Variants in RANBP1 observed in about 807,000 individuals in gnomAD.
RANBP1 encodes RAN binding protein 1.
A neutral mutation model predicts 31.4 loss-of-function variants in RANBP1; 16 were observed. The ratio of observed to expected loss-of-function variants is 0.51; its 90% confidence interval spans 0.34 to 0.77. The LOEUF (loss-of-function observed/expected upper bound fraction) is 0.77. RANBP1 is among the 30% of genes least tolerant of loss of function. The probability of loss-of-function intolerance (pLI) is 0.01; values close to 1 mark genes in which losing one functional copy is unlikely to be tolerated. For missense variants in RANBP1, 265 were observed against 362.0 expected (o/e 0.73, Z 2.17); for synonymous variants, 129 against 140.5 (o/e 0.92, Z 0.58).
At chr22:20,125,038 G>T in intron 3 of RANBP1, 2 of 435,998 alleles carry the variant, frequency 4.6e-6, no homozygotes, top group Non-Finnish European at 8.4e-6. Flanking sequence ...GGAGCTCCTC[G>T]TGGAGATGGC....
At chr22:20,118,758 C>T (rs527550697) in intron 1 of RANBP1, among the ~76,000 whole-genome samples, 2 of 152,216 alleles carry the variant, frequency 1.3e-5, no homozygotes, top group African/African-American at 4.8e-5. Context: ...GTGCACAGAT[C>T]TGATTGATGT....
At position 20,127,010 on chromosome 22, in the gene RANBP1, G is replaced by A. The variant is rs1304210143; in HGVS notation, c.795G>A (p.Ser265=). The A allele has an allele frequency of 1.2e-6, 2 of 1,613,730 alleles. No individual in the cohort carries two copies. The highest frequency in any genetic ancestry group is 2.2e-5 in the East Asian group (1 of 44,868). The change falls in exon 6 of 6, where the codon TCG becomes TCA. Residue 265 remains serine (S), a synonymous_variant. Coordinates refer to ENST00000430524, the MANE Select transcript of RANBP1 (RefSeq NM_001278639.2). ...EKVAEKLEAL[S]VKEETKEDAE... ...TGGCGGAAAAGCTAGAAGCTCTCTCGGTGAAGGAGGAGACCAAGGAGGATG... is the reference window on the plus strand; with the variant it reads ...TGGCGGAAAAGCTAGAAGCTCTCTCAGTGAAGGAGGAGACCAAGGAGGATG...
chr22:20,116,273 T>A lies in RANBP1; in HGVS notation c.89T>A (p.Leu30His). ...TGCAAAACGCGCAGGGCCTTGTCCC[T>A]CTCTGCAGCGCTGCGGAATGTCACA... ...APCKTRRALS[L>H]SAALRNVTKA... Residue 30 changes from leucine to histidine, a missense_variant, in exon 1 of 6, where the codon CTC (leucine) becomes CAC (histidine). Physicochemically the swap from Leu to His is moderately conservative, Grantham distance 99. Coordinates refer to ENST00000430524, the MANE Select transcript of RANBP1 (RefSeq NM_001278639.2). The A allele has an allele frequency of 6.2e-7, 1 of 1,612,962 alleles. No homozygotes were observed. The highest frequency in any genetic ancestry group is 8.5e-7 in the Non-Finnish European group (1 of 1,180,010).
chr22:20,127,074 T>C lies in RANBP1; in HGVS notation c.*22T>C. The stretch of plus-strand genomic sequence containing the variant: ...ATAAATCGTCTTATTTTATTTTCTT[T>C]TCCTCTCTTTCCTTTCCTTTTTTTA... On this transcript the variant is annotated 3_prime_UTR_variant, in exon 6 of 6. Transcript: ENST00000430524. The C allele has an allele frequency of 3.2e-6, 5 of 1,569,416 alleles. No individual in the cohort carries two copies. The highest frequency in any genetic ancestry group is 2.2e-4 in the Middle Eastern group (1 of 4,526).
chr22:20,117,941 G>A, intron 1 of RANBP1: 1 of 1,009,678 alleles, frequency 9.9e-7, no homozygotes, highest in Non-Finnish European at 1.2e-6. Flanking sequence ...GTCGCCACGC[G>A]GGACGGCCCC....
Position 20,116,250 on chromosome 22 carries a change from C to T in RANBP1, c.66C>T (p.Cys22=). The T allele has an allele frequency of 6.2e-7, 1 of 1,612,934 alleles. No homozygotes were observed. Among genetic ancestry groups the T allele is most frequent in the Non-Finnish European group, 8.5e-7 (1 of 1,180,018 alleles). ...LSGRPFQRAP[C]KTRRALSLSA... ...GGCGGCCTTTCCAGAGGGCACCATG[C>T]AAAACGCGCAGGGCCTTGTCCCTCT... The change falls in exon 1 of 6, where the codon TGC becomes TGT. Residue 22 remains cysteine (C), a synonymous_variant. Transcript: ENST00000430524.
intron 2 of RANBP1, among the ~76,000 whole-genome samples, chr22:20,121,936 A>C (rs1475748422): frequency 2.0e-5 from 3 of 151,796 alleles, no homozygotes; most frequent in Non-Finnish European, 4.4e-5. Context: ...ATGGGGTTTC[A>C]CCATGTTGGC....
chr22:20,118,391 T>C, intron 1 of RANBP1: 1 of 973,940 alleles, frequency 1.0e-6, no homozygotes, highest in Non-Finnish European at 1.2e-6. Context: ...CAGGATTTCA[T>C]GACTTTCACC....
In RANBP1 at chr22:20,119,000, T is replaced by C; in HGVS notation, c.247-13T>C. 6.2e-7 allele frequency: 1 copy of C among 1,610,498 alleles called. No individual in the cohort carries two copies. Among genetic ancestry groups the C allele is most frequent in the African/African-American group, 1.3e-5 (1 of 74,918 alleles). Reference sequence around the variant, plus strand: ...CCATAGGCCAGCAGTGTAACCTCTTTGTATCTCCACAGGACACTCATGAGG... The same window carrying C: ...CCATAGGCCAGCAGTGTAACCTCTTCGTATCTCCACAGGACACTCATGAGG... On this transcript the variant is annotated splice_polypyrimidine_tract_variant and intron_variant, in intron 1 of 5. Transcript: ENST00000430524.
In RANBP1 at chr22:20,117,630, G is replaced by T. The variant is rs901091152; in HGVS notation, c.246+1200G>T. The T allele has an allele frequency of 2.4e-5, 27 of 1,136,958 alleles. No individual in the cohort carries two copies. In the African/African-American group the frequency reaches 4.2e-4, roughly 18 times the overall value. The allele number at this position is 1,136,958 out of a possible 1,614,324, so 70.4% of individuals were successfully genotyped here. ...CAGCGACGACCGACCCAGCCGAGCC[G>T]CCGCCGCCGCCGCGCCCCCATGGCG... On this transcript the variant is annotated intron_variant, in intron 1 of 5. Transcript: ENST00000430524.
chr22:20,119,582 C>T, intron 2 of RANBP1: 1 of 178,370 alleles, frequency 5.6e-6, no homozygotes, highest in Admixed American at 5.5e-5. Context: ...GGCTGGAGTG[C>T]AGTGGTGCGA....
intron 2 of RANBP1, among the ~76,000 whole-genome samples, chr22:20,121,986 G>A (rs562557385): frequency 5.9e-5 from 9 of 152,094 alleles, no homozygotes; most frequent in Non-Finnish European, 1.3e-4. Context: ...TGACCTGCCC[G>A]CCTCGGCCTC....
In RANBP1 at chr22:20,122,321, A is replaced by G; in HGVS notation, c.441A>G (p.Arg147=). ...SENDLPEWKE[R]GTGDVKLLKH... The stretch of plus-strand genomic sequence containing the variant: ...ACGATCTCCCAGAATGGAAGGAGCG[A>G]GGCACTGGTGACGTCAAGCTCCTGA... Residue 147 remains arginine (R), a synonymous_variant, in exon 3 of 6, where the codon CGA becomes CGG. Transcript: ENST00000430524. 1.9e-6 allele frequency: 3 copies of G among 1,613,182 alleles called. No homozygotes were observed. Among genetic ancestry groups the G allele is most frequent in the Middle Eastern group, 1.7e-4 (1 of 6,060 alleles).
At chr22:20,117,511 G>C (rs1294402822) in intron 1 of RANBP1, 16 of 1,302,098 alleles carry the variant, frequency 1.2e-5, no homozygotes, top group African/African-American at 1.6e-5. Flanking sequence ...CGAGGTTCGG[G>C]TCGTGGGGCG....
At chr22:20,121,254 C>T (rs1374635087) in intron 2 of RANBP1, among the ~76,000 whole-genome samples, 2 of 151,232 alleles carry the variant, frequency 1.3e-5, no homozygotes, top group Non-Finnish European at 2.9e-5. Context: ...CGCCTGCTCT[C>T]TCTTTTTTTT....
Position 20,119,199 on chromosome 22 carries a change from A to G in RANBP1, c.383+50A>G, listed in dbSNP as rs2050121835. ...TAGGACTCTTTAAGGTTGAGGTTAC[A>G]ACTTTTATGGGTGTCCAGGTTTTGG... On this transcript the variant is annotated intron_variant, in intron 2 of 5. Coordinates refer to ENST00000430524, the MANE Select transcript of RANBP1 (RefSeq NM_001278639.2). The G allele has an allele frequency of 1.9e-6, 3 of 1,564,464 alleles. No homozygotes were observed. The Admixed American group carries it at 5.1e-5, about 27-fold the overall frequency.
At chr22:20,119,480 A>G (rs1249504984) in intron 2 of RANBP1, 1 of 285,410 alleles carries the variant, frequency 3.5e-6, no homozygotes, top group South Asian at 4.2e-5. Context: ...TTTTTGCAGC[A>G]TAGACTTCTT....
At chr22:20,119,371 C>T (rs906605410) in intron 2 of RANBP1, 1 of 545,666 alleles carries the variant, frequency 1.8e-6, no homozygotes, top group Non-Finnish European at 3.3e-6. Flanking sequence ...GGCATCCCAT[C>T]TTGCTGCTCT....
Position 20,117,722 on chromosome 22 carries a change from C to T in RANBP1, c.247-1291C>T, listed in dbSNP as rs1275654094. 9 of 1,116,252 alleles carry T rather than the reference C, an allele frequency of 8.1e-6. No homozygotes were observed. The East Asian group carries it at 1.5e-4, about 19-fold the overall frequency. 69.1% of individuals were successfully genotyped at this position (1,116,252 alleles called of 1,614,324 possible). On this transcript the variant is annotated intron_variant, in intron 1 of 5. Transcript: ENST00000430524. ...CGGGCGGGGCCGGGGCCGTTATCAG[C>T]GGCCACGTGGGCGGCCCGCGCCGCC...
Sources: gnomAD v4.1 joint callset for allele counts (sites outside exome capture counted in the v4.1 genomes callset) on GRCh38, gnomAD v4.1.1 for gene constraint, MANE v1.5 for transcripts, NCBI Gene and HGNC (gene_info 2026-07-23, HGNC 2026-07-21) for gene names.